RPS6KA1: variants seen among roughly 807,000 people sequenced by gnomAD.
RPS6KA1 encodes ribosomal protein S6 kinase alpha-1.
Under a neutral mutation model 91.3 loss-of-function variants are expected in RPS6KA1, and 48 were observed. The observed-to-expected ratio is 0.53, with a 90% CI of 0.42 to 0.67. RPS6KA1 has a LOEUF of 0.67. RPS6KA1 is among the 30% of genes least tolerant of loss of function. RPS6KA1 has a pLI of 0.00. For missense variants in RPS6KA1, 719 were observed against 960.5 expected, an observed-to-expected ratio of 0.75 and a Z score of 3.32; for synonymous variants, 359 against 384.7, an observed-to-expected ratio of 0.93 and a Z score of 0.78.
In RPS6KA1 at chr1:26,554,555, C is replaced by G; in HGVS notation, c.614-41C>G. The G allele has an allele frequency of 6.4e-7, 1 of 1,574,494 alleles. No individual in the cohort carries two copies. The highest frequency in any genetic ancestry group is 8.7e-7 in the Non-Finnish European group (1 of 1,154,002). ...GTGCAAAGGGTGGCAGCAAGGAAGG[C>G]AGGGGTCCTAAGGTGTGTCCTCCTG... On this transcript the variant is annotated intron_variant, in intron 8 of 21. Transcript: ENST00000374168. The surrounding 1 kb of genome is among the most constrained non-coding windows in gnomAD (Gnocchi z 4.6).
Position 26,554,964 on chromosome 1 carries a change from G to A in RPS6KA1, c.757-187G>A, listed in dbSNP as rs1374778346. Among the ~76,000 whole-genome samples the A allele has an allele frequency of 2.6e-5, 4 of 152,168 alleles. No homozygotes were observed. Among genetic ancestry groups the A allele is most frequent in the African/African-American group, 4.8e-5 (2 of 41,434 alleles). ...GTGCTGGCCTTCTCCCCAGCCTCGC[G>A]CCCCCACCGCTGCTCCTGGTGGTCT... On this transcript the variant is annotated intron_variant, in intron 9 of 21. Transcript: ENST00000374168. This position sits in a 1 kb window ranked among gnomAD's most constrained non-coding sequence, Gnocchi z 4.6.
chr1:26,562,831 T>C (rs2076165593), intron 17 of RPS6KA1, among the ~76,000 whole-genome samples: 3 of 135,682 alleles, frequency 2.2e-5, no homozygotes, highest in Admixed American at 1.5e-4. Context: ...TGTCCTTTTT[T>C]TTTTTTTTTT....
chr1:26,573,137 A>G (rs1391804420), intron 20 of RPS6KA1, 87 bp from the exon 21 acceptor site: 3 of 1,397,542 alleles, frequency 2.1e-6, no homozygotes, highest in Non-Finnish European at 3.0e-6. Flanking sequence ...GGCGGGAGCT[A>G]GCAGGAGATG....
At position 26,573,375 on chromosome 1, in the gene RPS6KA1, T is replaced by C. The variant is rs762719771; in HGVS notation, c.2085+14T>C. 3 of 1,613,846 alleles carry C rather than the reference T, an allele frequency of 1.9e-6. No homozygotes were observed. Among genetic ancestry groups the C allele is most frequent in the Non-Finnish European group, 2.5e-6 (3 of 1,179,946 alleles). On this transcript the variant is annotated intron_variant, in intron 21 of 21. Transcript: ENST00000374168. ...CAGCTTGTGAAGGTATGGCCACCCT[T>C]GGGCTGCTGGGCATCTGGGGGGTCA...
chr1:26,543,249 C>T (rs2075962763), intron 2 of RPS6KA1: 4 of 1,477,974 alleles, frequency 2.7e-6, no homozygotes, highest in Non-Finnish European at 3.7e-6. Flanking sequence ...CTGCCTCCAG[C>T]GGTGTCTGTC....
At chr1:26,552,002 G>A (rs553547405) in intron 6 of RPS6KA1, among the ~76,000 whole-genome samples, 30 of 152,344 alleles carry the variant, frequency 2.0e-4, no homozygotes, top group African/African-American at 6.3e-4. Flanking sequence ...GGGCAGAGGT[G>A]TGAAGATAGG....
chr1:26,565,842 G>A (rs534769181), intron 17 of RPS6KA1, among the ~76,000 whole-genome samples: 6 of 152,066 alleles, frequency 3.9e-5, no homozygotes, highest in South Asian at 4.1e-4. Context: ...GATTACAGGC[G>A]CGGCCCCGTT....
chr1:26,562,825 C>CTTTTTTTTTTTTTTTTTT (rs748764001), intron 17 of RPS6KA1, among the ~76,000 whole-genome samples: 4 of 81,444 alleles, frequency 4.9e-5, no homozygotes, highest in African/African-American at 2.0e-4. Flanking sequence ...TCCTATTGTC[C>CTTTTTTTTTTTTTTTTTT]TTTTTTTTTT....
At chr1:26,567,501 C>G (rs2076213764) in intron 17 of RPS6KA1, among the ~76,000 whole-genome samples, 1 of 152,186 alleles carries the variant, frequency 6.6e-6, no homozygotes, top group Non-Finnish European at 1.5e-5. Context: ...CTGCCTCAGC[C>G]TCCCGAGTAG....
intron 4 of RPS6KA1, among the ~76,000 whole-genome samples, chr1:26,550,546 T>C (rs1225187615): frequency 6.6e-6 from 1 of 152,110 alleles, no homozygotes; most frequent in Non-Finnish European, 1.5e-5. Context: ...CTCGAACTCC[T>C]GACCTCAAGT....
intron 17 of RPS6KA1, among the ~76,000 whole-genome samples, chr1:26,562,425 G>A (rs1025277785): frequency 1.8e-4 from 28 of 152,258 alleles, no homozygotes; most frequent in Non-Finnish European, 2.9e-4. Context: ...CAGGGTCACC[G>A]TGGGGGAGCT....
In RPS6KA1 at chr1:26,546,919, CTG is replaced by C; in HGVS notation, c.162_163del (p.Lys56GlyfsTer2). ...ATCACGCACCACGTCAAGGCTGGCT[CTG>C]AGAAGGCTGATCCATCCCATTTCGA... On this transcript the variant is annotated frameshift_variant, in exon 3 of 22. Coordinates refer to ENST00000374168, the MANE Select transcript of RPS6KA1 (RefSeq NM_002953.4). LOFTEE classifies it high-confidence loss of function. The C allele has an allele frequency of 6.2e-7, 1 of 1,614,188 alleles. No individual in the cohort carries two copies. The highest frequency in any genetic ancestry group is 8.5e-7 in the Non-Finnish European group (1 of 1,180,030).
At chr1:26,564,067 G>A (rs1328228829) in intron 17 of RPS6KA1, among the ~76,000 whole-genome samples, 2 of 152,014 alleles carry the variant, frequency 1.3e-5, no homozygotes, top group Non-Finnish European at 2.9e-5. Context: ...AGGTTGCAAT[G>A]AGCTGAAATC....
chr1:26,553,231 A>G (rs1219594785), intron 6 of RPS6KA1, among the ~76,000 whole-genome samples, 160 bp from the exon 7 acceptor site: 1 of 152,108 alleles, frequency 6.6e-6, no homozygotes, highest in African/African-American at 2.4e-5. Flanking sequence ...TAGTCATTTC[A>G]TACTTCAAAT....
Position 26,561,802 on chromosome 1 carries a change from G to A in RPS6KA1, c.1590+139G>A, listed in dbSNP as rs2076156566. 8.8e-6 allele frequency: 7 copies of A among 797,714 alleles called. No homozygotes were observed. 49.4% of individuals were successfully genotyped at this position (797,714 alleles called of 1,614,324 possible). On this transcript the variant is annotated intron_variant, in intron 17 of 21. Transcript: ENST00000374168. The surrounding 1 kb of genome is among the most constrained non-coding windows in gnomAD (Gnocchi z 5.7). The stretch of plus-strand genomic sequence containing the variant: ...GGACACTAGGGCTGGGTGGGTGGAT[G>A]CGTGCAAAGGAAGGAGGGAGAGATG...
At chr1:26,573,937 C>CAAAAAAA in intron 21 of RPS6KA1, 142 bp from the exon 22 acceptor site, 1 of 772,620 alleles carries the variant, frequency 1.3e-6, no homozygotes, top group Admixed American at 3.2e-5. Context: ...GACTGTATCT[C>CAAAAAAA]AAAAAAAAAA....
intron 1 of RPS6KA1, among the ~76,000 whole-genome samples, chr1:26,532,116 GA>G (rs1482948109): frequency 6.6e-6 from 1 of 152,174 alleles, no homozygotes; most frequent in Non-Finnish European, 1.5e-5. Flanking sequence ...TAATGCTGCT[GA>G]AAATGGGCCG....
chr1:26,555,514 A>T lies in RPS6KA1; in HGVS notation c.828-23A>T. On this transcript the variant is annotated intron_variant, in intron 10 of 21. Transcript: ENST00000374168. This position sits in a 1 kb window ranked among gnomAD's most constrained non-coding sequence, Gnocchi z 4.3. ...GCCTCTGGGGCAGGGCTCAGCCTTG[A>T]TGAGTCCCGGGGGCTGTTTCAGGGC... The T allele has an allele frequency of 1.3e-6, 2 of 1,565,954 alleles. No individual in the cohort carries two copies. The highest frequency in any genetic ancestry group is 1.7e-6 in the Non-Finnish European group (2 of 1,153,868).
Position 26,574,340 on chromosome 1 carries a change from CT to C in RPS6KA1, c.*140del, listed in dbSNP as rs758179467. On this transcript the variant is annotated 3_prime_UTR_variant, in exon 22 of 22. Transcript: ENST00000374168. This position sits in a 1 kb window ranked among gnomAD's most constrained non-coding sequence, Gnocchi z 4.3. ...GGGAAGCTGCCAGCCCAGAACACCC[CT>C]AATGAGGGTGTGAGAAGTGCCTTCT... 8 of 1,027,032 alleles carry C rather than the reference CT, an allele frequency of 7.8e-6. No homozygotes were observed. Among genetic ancestry groups the C allele is most frequent in the Non-Finnish European group, 1.5e-6 (1 of 647,066 alleles). 63.6% of individuals were successfully genotyped at this position (1,027,032 alleles called of 1,614,324 possible).
Sources: allele counts gnomAD v4.1 joint callset (sites outside exome capture counted in the v4.1 genomes callset), GRCh38; gene constraint gnomAD v4.1.1; non-coding constraint Gnocchi (gnomAD v3.1); transcripts MANE v1.5; gene names NCBI Gene and HGNC (gene_info 2026-07-23, HGNC 2026-07-21).